AGAP1: variants seen among roughly 807,000 people sequenced by gnomAD.
AGAP1 encodes the protein arf-GAP with GTPase, ANK repeat and PH domain-containing protein 1.
In AGAP1, 29 loss-of-function variants were observed where a neutral mutation model predicts 105.3. The ratio of observed to expected loss-of-function variants is 0.28; its 90% confidence interval spans 0.21 to 0.38. AGAP1 has a LOEUF of 0.38. AGAP1 is among the 10% of genes least tolerant of loss of function. AGAP1 has a pLI of 1.00. For synonymous variants in AGAP1, 509 were observed against 485.9 expected (o/e 1.05, Z -0.63); for missense variants, 998 against 1,165.1 (o/e 0.86, Z 2.09).
intron 16 of AGAP1, among the ~76,000 whole-genome samples, chr2:236,063,621 G>A (rs2058266108): frequency 6.6e-6 from 1 of 152,198 alleles, no homozygotes; most frequent in African/African-American, 2.4e-5. Context: ...TTGATTTCTA[G>A]GCTGGCCACC....
Position 236,079,316 on chromosome 2 carries a change from C to T in AGAP1, c.2114+30035C>T, listed in dbSNP as rs114999107. 4.4e-3 allele frequency among the ~76,000 whole-genome samples: 649 copies of T among 148,972 alleles called. 4 individuals are homozygous for T. The highest frequency in any genetic ancestry group is 0.016 in the African/African-American group (624 of 40,246). On this transcript the variant is annotated intron_variant, in intron 16 of 17. Transcript: ENST00000304032. Reference sequence around the variant, plus strand: ...GGAGAGTTTCTTGAGGCCAGGAGTTCGAGACCAGCCTAGGCAGCATAGTGA... The same window carrying T: ...GGAGAGTTTCTTGAGGCCAGGAGTTTGAGACCAGCCTAGGCAGCATAGTGA...
intron 1 of AGAP1, among the ~76,000 whole-genome samples, chr2:235,675,896 G>C (rs1485424225): frequency 6.6e-6 from 1 of 152,146 alleles, no homozygotes; most frequent in Non-Finnish European, 1.5e-5. Flanking sequence ...TGCCACCAGG[G>C]GGAATGTTCA....
chr2:236,084,682 C>A (rs190794294), intron 16 of AGAP1, among the ~76,000 whole-genome samples: 2 of 152,034 alleles, frequency 1.3e-5, no homozygotes, highest in African/African-American at 4.8e-5. Context: ...GCAGGCAGAT[C>A]ATTTGAGGTC....
In AGAP1 at chr2:235,614,858, G is replaced by A. The variant is rs989256613; in HGVS notation, c.164-94321G>A. ...TTGATTCTGTGGCTATTAAATTAAT[G>A]GTTTAGCTGAGATGTTTTCTCTACT... On this transcript the variant is annotated intron_variant, in intron 1 of 17. Coordinates refer to ENST00000304032, the MANE Select transcript of AGAP1 (RefSeq NM_001037131.3). This position sits in a 1 kb window ranked among gnomAD's most constrained non-coding sequence, Gnocchi z 4.7. Among the ~76,000 whole-genome samples the A allele has an allele frequency of 2.6e-5, 4 of 152,122 alleles. No individual in the cohort carries two copies. Among genetic ancestry groups the A allele is most frequent in the Non-Finnish European group, 5.9e-5 (4 of 68,034 alleles).
At position 236,042,711 on chromosome 2, in the gene AGAP1, G is replaced by A. The variant is rs2057588837; in HGVS notation, c.1891+1870G>A. On this transcript the variant is annotated intron_variant, in intron 15 of 17. Coordinates refer to ENST00000304032, the MANE Select transcript of AGAP1 (RefSeq NM_001037131.3). This position sits in a 1 kb window ranked among gnomAD's most constrained non-coding sequence, Gnocchi z 5.6. Reference sequence around the variant, plus strand: ...TGAGCTTGTGCATGTGAGTGCGGATGGGGGGTGGGAAAGGGAGGCCAGTGC... The same window carrying A: ...TGAGCTTGTGCATGTGAGTGCGGATAGGGGGTGGGAAAGGGAGGCCAGTGC... Among the ~76,000 whole-genome samples the A allele has an allele frequency of 6.6e-6, 1 of 152,126 alleles. No individual in the cohort carries two copies. The highest frequency in any genetic ancestry group is 2.4e-5 in the African/African-American group (1 of 41,432).
rs550004424 is a variant in AGAP1 at position 235,830,082 on chromosome 2, T to A, written c.1050+22751T>A. 2.4e-4 allele frequency among the ~76,000 whole-genome samples: 37 copies of A among 152,262 alleles called. No homozygotes were observed. The highest frequency in any genetic ancestry group is 1.0e-3 in the South Asian group (5 of 4,824). ...ATGATGCAGAGCTTTGGCGGCTGGCTGATGGAGTCGTTCTCATTTGTGAAG... is the reference window on the plus strand; with the variant it reads ...ATGATGCAGAGCTTTGGCGGCTGGCAGATGGAGTCGTTCTCATTTGTGAAG... On this transcript the variant is annotated intron_variant, in intron 9 of 17. Coordinates refer to ENST00000304032, the MANE Select transcript of AGAP1 (RefSeq NM_001037131.3). The surrounding 1 kb of genome is among the most constrained non-coding windows in gnomAD (Gnocchi z 5.5).
intron 13 of AGAP1, among the ~76,000 whole-genome samples, chr2:236,026,661 G>A (rs2057065691): frequency 6.6e-6 from 1 of 152,072 alleles, no homozygotes; most frequent in Non-Finnish European, 1.5e-5. Flanking sequence ...CCTGGGAGGG[G>A]GAGGTTGCAG....
chr2:235,973,152 G>T lies in AGAP1; in HGVS notation c.1645+4529G>T, dbSNP rs1472395458. Among the ~76,000 whole-genome samples, 1 of 152,184 alleles carries T rather than the reference G, an allele frequency of 6.6e-6. No homozygotes were observed. Among genetic ancestry groups the T allele is most frequent in the Non-Finnish European group, 1.5e-5 (1 of 68,028 alleles). ...GCTGTCAGGGTGACCGATGGAAATTGGGCCGTTCCTGCCCTGGAGTTTCTC... is the reference window on the plus strand; with the variant it reads ...GCTGTCAGGGTGACCGATGGAAATTTGGCCGTTCCTGCCCTGGAGTTTCTC... On this transcript the variant is annotated intron_variant, in intron 13 of 17. Coordinates refer to ENST00000304032, the MANE Select transcript of AGAP1 (RefSeq NM_001037131.3). The surrounding 1 kb of genome is among the most constrained non-coding windows in gnomAD (Gnocchi z 4.7).
At chr2:235,869,893 G>T (rs1444252175) in intron 9 of AGAP1, among the ~76,000 whole-genome samples, 1 of 152,206 alleles carries the variant, frequency 6.6e-6, no homozygotes, top group African/African-American at 2.4e-5. Context: ...AGGATAGTCT[G>T]ACCTCTTAAC....
At position 235,953,564 on chromosome 2, in the gene AGAP1, G is replaced by A. The variant is rs529501117; in HGVS notation, c.1484-14898G>A. On this transcript the variant is annotated intron_variant, in intron 12 of 17. Coordinates refer to ENST00000304032, the MANE Select transcript of AGAP1 (RefSeq NM_001037131.3). The surrounding 1 kb of genome is among the most constrained non-coding windows in gnomAD (Gnocchi z 5.2). ...TTTGTTTGTTCTTTGTGCTGCAGTG[G>A]TCTTACTTGGCAACTCCCTGTCTTG... Among the ~76,000 whole-genome samples, 6 of 152,118 alleles carry A rather than the reference G, an allele frequency of 3.9e-5. No homozygotes were observed. The highest frequency in any genetic ancestry group is 8.8e-5 in the Non-Finnish European group (6 of 68,022).
intron 1 of AGAP1, among the ~76,000 whole-genome samples, chr2:235,581,130 C>T (rs1172826252): frequency 2.6e-5 from 2 of 78,042 alleles, no homozygotes; most frequent in African/African-American, 6.5e-5. Context: ...AACCCCATCT[C>T]AAGCAAAAAA....
Position 235,976,352 on chromosome 2 carries a change from C to T in AGAP1, c.1645+7729C>T, listed in dbSNP as rs1487693459. 1.3e-5 allele frequency among the ~76,000 whole-genome samples: 2 copies of T among 152,114 alleles called. No individual in the cohort carries two copies. Among genetic ancestry groups the T allele is most frequent in the African/African-American group, 4.8e-5 (2 of 41,414 alleles). ...GGGCACAGTTGACTCAAAAGCCATCCTGCAGGGTACAGTCCGGCCGCCACA... is the reference window on the plus strand; with the variant it reads ...GGGCACAGTTGACTCAAAAGCCATCTTGCAGGGTACAGTCCGGCCGCCACA... On this transcript the variant is annotated intron_variant, in intron 13 of 17. Coordinates refer to ENST00000304032, the MANE Select transcript of AGAP1 (RefSeq NM_001037131.3). The surrounding 1 kb of genome is among the most constrained non-coding windows in gnomAD (Gnocchi z 4.5).
chr2:235,605,730 A>G (rs928572916), intron 1 of AGAP1, among the ~76,000 whole-genome samples: 7 of 152,230 alleles, frequency 4.6e-5, no homozygotes, highest in Non-Finnish European at 1.0e-4. Context: ...TGCCAGCTGT[A>G]CCCGGTCAGC....
At chr2:235,984,552 G>T (rs2055228287) in intron 13 of AGAP1, among the ~76,000 whole-genome samples, 2 of 148,750 alleles carry the variant, frequency 1.3e-5, no homozygotes, top group African/African-American at 5.0e-5. Flanking sequence ...GTATACATAT[G>T]CCATGGTGGT....
At chr2:235,948,551 G>A (rs551926208) in intron 12 of AGAP1, among the ~76,000 whole-genome samples, 1 of 152,192 alleles carries the variant, frequency 6.6e-6, no homozygotes, top group African/African-American at 2.4e-5. Flanking sequence ...AAATTGAGAG[G>A]TGAACATTTG....
Position 235,788,100 on chromosome 2 carries a change from G to T in AGAP1, c.674-9659G>T, listed in dbSNP as rs1403441008. Among the ~76,000 whole-genome samples, 1 of 152,164 alleles carries T rather than the reference G, an allele frequency of 6.6e-6. No individual in the cohort carries two copies. Among genetic ancestry groups the T allele is most frequent in the Non-Finnish European group, 1.5e-5 (1 of 68,032 alleles). ...TCATGGGGTCATCCTGACTTAACCT[G>T]ATGGGTAGGACTTACTTGAGTAGGG... On this transcript the variant is annotated intron_variant, in intron 6 of 17. Coordinates refer to ENST00000304032, the MANE Select transcript of AGAP1 (RefSeq NM_001037131.3). This position sits in a 1 kb window ranked among gnomAD's most constrained non-coding sequence, Gnocchi z 6.0.
intron 1 of AGAP1, among the ~76,000 whole-genome samples, chr2:235,605,912 G>A (rs890721032): frequency 6.6e-6 from 1 of 152,298 alleles, no homozygotes; most frequent in East Asian, 1.9e-4. Context: ...ACAGCACTCC[G>A]GTTGCTTAAG....
At chr2:235,942,475 T>A (rs2053305718) in intron 12 of AGAP1, among the ~76,000 whole-genome samples, 1 of 151,990 alleles carries the variant, frequency 6.6e-6, no homozygotes, top group Admixed American at 6.5e-5. Context: ...GTTGGGAGTT[T>A]GAGATCAGCC....
intron 13 of AGAP1, among the ~76,000 whole-genome samples, chr2:235,999,825 G>T (rs891042393): frequency 6.6e-6 from 1 of 152,056 alleles, no homozygotes; most frequent in Non-Finnish European, 1.5e-5. Context: ...AATGTTGGGG[G>T]TCAGGTCTGA....
Sources: gnomAD v4.1 joint callset for allele counts (sites outside exome capture counted in the v4.1 genomes callset) on GRCh38, gnomAD v4.1.1 for gene constraint, Gnocchi (gnomAD v3.1) non-coding constraint, MANE v1.5 for transcripts, NCBI Gene and HGNC (gene_info 2026-07-23, HGNC 2026-07-21) for gene names.